Variants in VPS13B observed in about 807,000 individuals in gnomAD.
VPS13B encodes intermembrane lipid transfer protein VPS13B.
In VPS13B, 285 loss-of-function variants were observed where a neutral mutation model predicts 426.4. The ratio of observed to expected loss-of-function variants is 0.67; its 90% CI spans 0.61 to 0.74. The LOEUF is 0.74. VPS13B is among the 30% of genes least tolerant of loss of function. The pLI is 0.00. For synonymous variants in VPS13B, 1,676 were observed against 1,676.4 expected, an observed-to-expected ratio of 1.00 and a Z score of 0.01; for missense variants, 4,537 against 4,782.6, an observed-to-expected ratio of 0.95 and a Z score of 1.51.
intron 36 of VPS13B, among the ~76,000 whole-genome samples, chr8:99,713,427 A>G (rs1023334121): frequency 2.0e-5 from 3 of 152,218 alleles, no homozygotes; most frequent in African/African-American, 7.2e-5. Flanking sequence ...GATTAGAAAC[A>G]GACACACCTG....
At chr8:99,542,540 A>T (rs2133730444) in intron 30 of VPS13B, among the ~76,000 whole-genome samples, 1 of 152,284 alleles carries the variant, frequency 6.6e-6, no homozygotes, top group Admixed American at 6.5e-5. Flanking sequence ...TTTGTATCAG[A>T]GTACTTGTTA....
At chr8:99,342,174 G>C (rs1245451874) in intron 19 of VPS13B, among the ~76,000 whole-genome samples, 1 of 152,050 alleles carries the variant, frequency 6.6e-6, no homozygotes, top group African/African-American at 2.4e-5. Context: ...CTTGATATTT[G>C]TATACAATGT....
At chr8:99,863,243 C>T (rs1816921926) in intron 58 of VPS13B, among the ~76,000 whole-genome samples, 2 of 152,092 alleles carry the variant, frequency 1.3e-5, no homozygotes, top group South Asian at 4.2e-4. Flanking sequence ...AGCAAATGAA[C>T]TGTAAGAGTT....
At chr8:99,316,379 G>A (rs1374241009) in intron 19 of VPS13B, among the ~76,000 whole-genome samples, 1 of 152,164 alleles carries the variant, frequency 6.6e-6, no homozygotes, top group Non-Finnish European at 1.5e-5. Flanking sequence ...ATGCAATCTG[G>A]TAGGACCTGG....
At chr8:99,315,741 A>G (rs928101380) in intron 19 of VPS13B, among the ~76,000 whole-genome samples, 4 of 151,384 alleles carry the variant, frequency 2.6e-5, no homozygotes, top group African/African-American at 7.3e-5. Context: ...GGTTCATGCC[A>G]TTCTCCTGCC....
chr8:99,743,342 A>G (rs1166323847), intron 39 of VPS13B, among the ~76,000 whole-genome samples: 6 of 151,992 alleles, frequency 3.9e-5, no homozygotes, highest in Non-Finnish European at 8.8e-5. Flanking sequence ...CAAATGGAAG[A>G]ACATTCCATG....
rs1255291960 is a variant in VPS13B, at chr8:99,599,901, C to T, written c.5220+22268C>T. 2.0e-5 allele frequency among the ~76,000 whole-genome samples: 3 copies of T among 152,048 alleles called. No homozygotes were observed. The East Asian group carries it at 5.8e-4, about 29-fold the overall frequency. ...GAAGACTGGCCCATTTAGTAGTGTA[C>T]CTTTGAGAGACAAAAAATACACTGG... On this transcript the variant is annotated intron_variant, in intron 33 of 61. Transcript: ENST00000357162.
intron 19 of VPS13B, among the ~76,000 whole-genome samples, chr8:99,353,948 G>T (rs1812041351): frequency 6.6e-6 from 1 of 151,964 alleles, no homozygotes; most frequent in South Asian, 2.1e-4. Context: ...ATATAAATGT[G>T]TCATTTATAA....
chr8:99,038,564 C>T lies in VPS13B; in HGVS notation c.289C>T (p.Gln97Ter). ...ECILKLKDGI[Q>*]DDHESCGSNS... ...CATTTTGAAACTTAAGGATGGGATA[C>T]AGGTAAGAAATTATTGAACCAAGTT... Residue 97 changes from glutamine (Q) to a stop codon, truncating the protein, a stop_gained and splice_region_variant, in exon 3 of 62, where the codon CAG becomes TAG. Transcript: ENST00000357162. LOFTEE classifies it high-confidence loss of function. 6.2e-7 allele frequency: 1 copy of T among 1,609,182 alleles called. No individual in the cohort carries two copies. The highest frequency in any genetic ancestry group is 8.5e-7 in the Non-Finnish European group (1 of 1,177,616).
chr8:99,036,490 C>T (rs748544415), intron 2 of VPS13B, among the ~76,000 whole-genome samples: 53 of 152,146 alleles, frequency 3.5e-4, no homozygotes, highest in Non-Finnish European at 6.5e-4. Flanking sequence ...TTGTGTTTCA[C>T]CTTTTACTAT....
intron 18 of VPS13B, 137 bp from the exon 19 acceptor site, chr8:99,274,944 G>A (rs1251830621): frequency 2.7e-6 from 2 of 754,712 alleles, no homozygotes; most frequent in Non-Finnish European, 2.0e-6. Context: ...ATGAGACTCA[G>A]TATAATTAAA....
At chr8:99,216,736 T>TA (rs1297227598) in intron 17 of VPS13B, among the ~76,000 whole-genome samples, 1 of 151,904 alleles carries the variant, frequency 6.6e-6, no homozygotes, top group Non-Finnish European at 1.5e-5. Context: ...CAAATACTTT[T>TA]AAAAAAAGAA....
intron 24 of VPS13B, among the ~76,000 whole-genome samples, chr8:99,470,942 A>G (rs1047157804): frequency 6.6e-6 from 1 of 152,250 alleles, no homozygotes; most frequent in African/African-American, 2.4e-5. Context: ...CATATAAGCA[A>G]ATAATGATTT....
intron 33 of VPS13B, among the ~76,000 whole-genome samples, chr8:99,583,426 A>C (rs1262783358): frequency 6.6e-6 from 1 of 152,218 alleles, no homozygotes; most frequent in Non-Finnish European, 1.5e-5. Context: ...GGATATTTAA[A>C]GTTTTTTATG....
At chr8:99,870,951 G>C (rs1224894862) in intron 60 of VPS13B, 64 bp downstream of exon 60, 1 of 1,529,234 alleles carries the variant, frequency 6.5e-7, no homozygotes, top group Non-Finnish European at 9.0e-7. Flanking sequence ...CTCCTGGCTT[G>C]CTCTCAAGCT....
intron 39 of VPS13B, among the ~76,000 whole-genome samples, chr8:99,722,141 C>T (rs1205036590): frequency 2.6e-5 from 4 of 152,142 alleles, no homozygotes; most frequent in African/African-American, 9.7e-5. Flanking sequence ...GCCACTCTGG[C>T]CTCCTTTTTC....
chr8:99,035,227 A>G (rs1410901835), intron 2 of VPS13B, among the ~76,000 whole-genome samples: 1 of 152,064 alleles, frequency 6.6e-6, no homozygotes, highest in Admixed American at 6.6e-5. Flanking sequence ...TGTATACTAT[A>G]TTACTATTAA....
chr8:99,561,780 AGT>A (rs1824935465), intron 31 of VPS13B, among the ~76,000 whole-genome samples: 3 of 152,222 alleles, frequency 2.0e-5, no homozygotes, highest in Admixed American at 2.0e-4. Context: ...CCCCATTATG[AGT>A]TGAGGATCAT....
At chr8:99,552,686 A>G (rs1170538437) in intron 30 of VPS13B, among the ~76,000 whole-genome samples, 1 of 151,988 alleles carries the variant, frequency 6.6e-6, no homozygotes. Context: ...TTTAAAAAAT[A>G]TATTTTGAAA....
Sources: allele counts gnomAD v4.1 joint callset (sites outside exome capture counted in the v4.1 genomes callset), GRCh38; gene constraint gnomAD v4.1.1; transcripts MANE v1.5; gene names NCBI Gene and HGNC (gene_info 2026-07-23, HGNC 2026-07-21).